GSE1: variants seen among roughly 807,000 people sequenced by gnomAD.
GSE1 encodes the protein Gse1 coiled-coil protein, also known as genetic suppressor element 1.
In GSE1, 32 loss-of-function variants were observed where a neutral mutation model predicts 112.6. That is an observed-to-expected ratio of 0.28 (90% CI 0.21 to 0.38). The LOEUF (loss-of-function observed/expected upper bound fraction) is 0.38. GSE1 is among the 10% of genes least tolerant of loss of function. The pLI is 1.00. For synonymous variants in GSE1, 1,115 were observed against 735.6 expected, an observed-to-expected ratio of 1.52 and a Z score of -8.35; for missense variants, 2,348 against 1,699.2, an observed-to-expected ratio of 1.38 and a Z score of -6.71.
chr16:85,403,071 A>C (rs1338793298), intron 2 of GSE1, among the ~76,000 whole-genome samples: 1 of 134,956 alleles, frequency 7.4e-6, no homozygotes, highest in East Asian at 2.3e-4. Context: ...ATCTACTCCC[A>C]AGCCCTCTCC....
At chr16:85,400,054 T>C (rs948787045) in intron 2 of GSE1, among the ~76,000 whole-genome samples, 1 of 152,190 alleles carries the variant, frequency 6.6e-6, no homozygotes, top group Non-Finnish European at 1.5e-5. Context: ...TGCAGGGACC[T>C]TGTGTCACGG....
chr16:85,655,897 G>C lies in GSE1; in HGVS notation c.969G>C (p.Met323Ile). ...TGGCAGCGCTGCACTCGGAGCGCAT[G>C]TCTGGCCTCAGCGCGGAGAGGTAAG... The part of the protein sequence containing the change: ...SSLAALHSER[M>I]SGLSAERLQM... Residue 323 changes from methionine (M) to isoleucine (I), a missense_variant, in exon 6 of 16, where the codon ATG (methionine) becomes ATC (isoleucine). Transcript: ENST00000253458. 1 of 1,605,202 alleles carries C rather than the reference G, an allele frequency of 6.2e-7. No homozygotes were observed. The highest frequency in any genetic ancestry group is 8.5e-7 in the Non-Finnish European group (1 of 1,179,686).
intron 2 of GSE1, among the ~76,000 whole-genome samples, chr16:85,432,570 G>A (rs2049147203): frequency 6.6e-6 from 1 of 152,246 alleles, no homozygotes; most frequent in South Asian, 2.1e-4. Context: ...CACATATGTT[G>A]CACGTCGTGG....
At chr16:85,609,749 G>T (rs529544433), upstream of GSE1, among the ~76,000 whole-genome samples, 7 of 152,194 alleles carry the variant, frequency 4.6e-5, no homozygotes, top group East Asian at 7.7e-4. Context: ...CTGCCTCCTG[G>T]GCTCAAGGGA....
chr16:85,214,063 C>G (rs1024483583), intron 1 of GSE1, among the ~76,000 whole-genome samples: 28 of 152,324 alleles, frequency 1.8e-4, no homozygotes, highest in African/African-American at 6.3e-4. Flanking sequence ...ACATAATATC[C>G]CATAATAGGG....
intron 1 of GSE1, among the ~76,000 whole-genome samples, chr16:85,351,810 T>A (rs2046855881): frequency 6.6e-6 from 1 of 152,026 alleles, no homozygotes; most frequent in African/African-American, 2.4e-5. Context: ...GCCAACATGG[T>A]GAAAGCCCGT....
chr16:85,440,601 A>G (rs541639381), intron 2 of GSE1, among the ~76,000 whole-genome samples: 3 of 152,332 alleles, frequency 2.0e-5, no homozygotes, highest in African/African-American at 7.2e-5. Context: ...GGGCCACACC[A>G]GATTCCCTGG....
At chr16:85,469,880 AG>A (rs1198886986) in intron 2 of GSE1, among the ~76,000 whole-genome samples, 2 of 152,304 alleles carry the variant, frequency 1.3e-5, no homozygotes, top group Middle Eastern at 3.4e-3. Context: ...GCAAGGTGGG[AG>A]GGGGAGCCAG....
chr16:85,575,098 AT>A (rs2151355423), intron 1 of GSE1, among the ~76,000 whole-genome samples: 1 of 142,526 alleles, frequency 7.0e-6, no homozygotes, highest in Non-Finnish European at 1.5e-5. Context: ...GTGGCTGCCT[AT>A]TGTCAGAAGA....
chr16:85,545,216 G>A (rs2044656073), intron 2 of GSE1, among the ~76,000 whole-genome samples: 1 of 152,208 alleles, frequency 6.6e-6, no homozygotes, highest in African/African-American at 2.4e-5. Flanking sequence ...CACAGTCGCT[G>A]TCTGATTTCT....
chr16:85,316,955 G>A (rs1394698312), intron 1 of GSE1, among the ~76,000 whole-genome samples: 1 of 152,198 alleles, frequency 6.6e-6, no homozygotes, highest in African/African-American at 2.4e-5. Context: ...GGCACTTTTG[G>A]GGAACCCACC....
At chr16:85,341,884 A>G (rs1178575437) in intron 1 of GSE1, among the ~76,000 whole-genome samples, 1 of 151,990 alleles carries the variant, frequency 6.6e-6, no homozygotes, top group Non-Finnish European at 1.5e-5. Flanking sequence ...CTAGGGTTGG[A>G]TCCTAGCCTT....
intron 8 of GSE1, 38 bp from the exon 9 acceptor site, chr16:85,661,108 C>G (rs921020093): frequency 3.7e-5 from 57 of 1,528,062 alleles, no homozygotes; most frequent in Non-Finnish European, 4.8e-5. Flanking sequence ...ACTGAAGGGT[C>G]TTTTCTCCCT....
intron 1 of GSE1, among the ~76,000 whole-genome samples, chr16:85,224,694 T>A (rs368759472): frequency 6.6e-5 from 10 of 152,300 alleles, no homozygotes; most frequent in African/African-American, 2.2e-4. Context: ...GTTTGCAGAA[T>A]GCAGAAATAA....
chr16:85,667,612 C>T (rs1049140636), intron 13 of GSE1, among the ~76,000 whole-genome samples: 7 of 152,232 alleles, frequency 4.6e-5, no homozygotes, highest in Non-Finnish European at 1.0e-4. Context: ...AATTCCAGCA[C>T]TTTAGGAGGC....
intron 1 of GSE1, among the ~76,000 whole-genome samples, chr16:85,584,506 T>G (rs2046598299): frequency 6.6e-6 from 1 of 152,234 alleles, no homozygotes; most frequent in Non-Finnish European, 1.5e-5. Context: ...TCCGTGAGGT[T>G]TGGGAGATCC....
chr16:85,297,124 C>T (rs976753141), intron 1 of GSE1, among the ~76,000 whole-genome samples: 25 of 152,308 alleles, frequency 1.6e-4, no homozygotes, highest in African/African-American at 5.3e-4. Context: ...TCCTGCTGCC[C>T]GCCCTCTACC....
chr16:85,432,374 A>G lies in GSE1; in HGVS notation c.2464+74731A>G, dbSNP rs918922944. Among the ~76,000 whole-genome samples the G allele has an allele frequency of 4.6e-5, 7 of 152,358 alleles. No individual in the cohort carries two copies. In the South Asian group the frequency reaches 1.5e-3, roughly 32 times the overall value. ...CTCCTCCCCAGAGGTGGGAATTCTCAGTAGCGTTCACTTCACAGGCAACGA... is the reference window on the plus strand; with the variant it reads ...CTCCTCCCCAGAGGTGGGAATTCTCGGTAGCGTTCACTTCACAGGCAACGA... On this transcript the variant is annotated intron_variant, in intron 2 of 2. Coordinates refer to the GSE1 transcript ENST00000637419.
intron 2 of GSE1, among the ~76,000 whole-genome samples, chr16:85,502,170 G>C (rs1466985468): frequency 1.3e-5 from 2 of 152,204 alleles, no homozygotes; most frequent in Non-Finnish European, 2.9e-5. Flanking sequence ...GAACTGCCCA[G>C]CTGAGCTTGG....
Sources: gnomAD v4.1 joint callset for allele counts (sites outside exome capture counted in the v4.1 genomes callset) on GRCh38, gnomAD v4.1.1 for gene constraint, MANE v1.5 for transcripts, NCBI Gene and HGNC (gene_info 2026-07-23, HGNC 2026-07-21) for gene names.